ANKRD11: variants seen among roughly 807,000 people sequenced by gnomAD.
The protein encoded by ANKRD11 is ankyrin repeat domain-containing protein 11.
Under a neutral mutation model 195.7 loss-of-function variants are expected in ANKRD11, and 17 were observed. The observed-to-expected ratio is 0.09, with a 90% CI of 0.06 to 0.13. The LOEUF (loss-of-function observed/expected upper bound fraction) is 0.13, where lower values mean the gene tolerates loss of function less well. ANKRD11 is among the 10% of genes least tolerant of loss of function. The pLI is 1.00. For missense variants in ANKRD11, 3,735 were observed against 3,566.1 expected (o/e 1.05, Z -1.21); for synonymous variants, 1,953 against 1,528.1 (o/e 1.28, Z -6.49).
At chr16:89,438,328 T>G (rs1189849607) in intron 1 of ANKRD11, among the ~76,000 whole-genome samples, 4 of 151,454 alleles carry the variant, frequency 2.6e-5, no homozygotes, top group African/African-American at 9.7e-5. Flanking sequence ...GGGAACATTT[T>G]TTTTTTTTCA....
At chr16:89,277,098 C>G (rs191026347) in intron 9 of ANKRD11, among the ~76,000 whole-genome samples, 14 of 152,064 alleles carry the variant, frequency 9.2e-5, no homozygotes, top group Admixed American at 9.2e-4. Flanking sequence ...CAAAGTCCCT[C>G]TAGTCCACAG....
At position 89,283,140 on chromosome 16, in the gene ANKRD11, C is replaced by A. The variant is rs910677593; in HGVS notation, c.3402G>T (p.Gly1134=). 2 of 1,613,978 alleles carry A rather than the reference C, an allele frequency of 1.2e-6. No homozygotes were observed. Among genetic ancestry groups the A allele is most frequent in the Admixed American group, 3.3e-5 (2 of 60,024 alleles). The change falls in exon 9 of 13, where the codon GGG becomes GGT. Residue 1134 remains glycine, a synonymous_variant. Coordinates refer to ENST00000301030, the MANE Select transcript of ANKRD11 (RefSeq NM_013275.6). This position sits in a 1 kb window ranked among gnomAD's most constrained non-coding sequence, Gnocchi z 4.3. ...EDDRDSCMGS[G]FKMGEASDLP... ...AGTCGCTGGCCTCTCCCATCTTGAA[C>A]CCGCTCCCCATGCAGCTGTCTCTGT...
intron 2 of ANKRD11, among the ~76,000 whole-genome samples, chr16:89,416,481 T>C (rs1031679122): frequency 1.4e-4 from 22 of 152,144 alleles, no homozygotes; most frequent in African/African-American, 5.1e-4. Flanking sequence ...ACATTTTTAA[T>C]AGAGATGGGG....
chr16:89,466,687 G>T (rs995438475), intron 1 of ANKRD11, among the ~76,000 whole-genome samples: 50 of 152,168 alleles, frequency 3.3e-4, no homozygotes, highest in African/African-American at 1.2e-3. Flanking sequence ...AATTGAAACA[G>T]GTGTTAAAAT....
At chr16:89,340,143 T>A (rs1169408323) in intron 2 of ANKRD11, among the ~76,000 whole-genome samples, 1 of 152,266 alleles carries the variant, frequency 6.6e-6, no homozygotes, top group Non-Finnish European at 1.5e-5. Context: ...CTAAAGTTTA[T>A]AACTAGAAAT....
At chr16:89,424,333 C>A (rs1050204107) in intron 1 of ANKRD11, among the ~76,000 whole-genome samples, 1 of 151,696 alleles carries the variant, frequency 6.6e-6, no homozygotes, top group Admixed American at 6.6e-5. Context: ...CCCAGCTACT[C>A]GGGAGACTGA....
chr16:89,360,952 C>G (rs1400546139), intron 2 of ANKRD11, among the ~76,000 whole-genome samples: 1 of 152,166 alleles, frequency 6.6e-6, no homozygotes, highest in Non-Finnish European at 1.5e-5. Context: ...GGCCACTGCT[C>G]TGCATCAGGT....
intron 2 of ANKRD11, among the ~76,000 whole-genome samples, chr16:89,357,018 A>G (rs1368163059): frequency 6.6e-6 from 1 of 152,190 alleles, no homozygotes; most frequent in African/African-American, 2.4e-5. Context: ...CCCAATGCTA[A>G]TGGTTCAACA....
chr16:89,488,970 C>G (rs566545267), intron 1 of ANKRD11: 2 of 152,264 alleles, frequency 1.3e-5, no homozygotes, highest in Admixed American at 6.5e-5. Flanking sequence ...GCATAGGGAG[C>G]TGTTAGACCA....
chr16:89,278,014 G>A (rs537304337), intron 9 of ANKRD11: 45 of 163,238 alleles, frequency 2.8e-4, no homozygotes, highest in East Asian at 9.4e-4. Flanking sequence ...TCCCCAGAAG[G>A]AAATGGCCAT....
intron 3 of ANKRD11, among the ~76,000 whole-genome samples, chr16:89,307,329 G>C (rs2036344676): frequency 6.6e-6 from 1 of 152,164 alleles, no homozygotes; most frequent in Admixed American, 6.6e-5. Flanking sequence ...CAGTCACTCT[G>C]CATCCACCAA....
At chr16:89,328,608 C>T (rs1290622017) in intron 2 of ANKRD11, among the ~76,000 whole-genome samples, 1 of 148,984 alleles carries the variant, frequency 6.7e-6, no homozygotes, top group African/African-American at 2.5e-5. Flanking sequence ...TCTGCAGAGG[C>T]CCCTGCTGAG....
At chr16:89,295,154 G>A (rs895400090) in intron 4 of ANKRD11, among the ~76,000 whole-genome samples, 2 of 152,138 alleles carry the variant, frequency 1.3e-5, no homozygotes, top group Non-Finnish European at 2.9e-5. Flanking sequence ...GTGGGGGTGG[G>A]AGCCACTCCA....
intron 4 of ANKRD11, among the ~76,000 whole-genome samples, chr16:89,304,893 G>A (rs557358199): frequency 6.6e-6 from 1 of 152,340 alleles, no homozygotes; most frequent in South Asian, 2.1e-4. Context: ...CCCGTGTCCA[G>A]CTGTCAGAAG....
chr16:89,270,998 T>C, intron 11 of ANKRD11, 89 bp from the exon 12 acceptor site: 1 of 1,237,130 alleles, frequency 8.1e-7, no homozygotes, highest in Non-Finnish European at 1.2e-6. Context: ...GCAGTGACCG[T>C]TCTCAAGGGA....
At chr16:89,384,666 G>A (rs534027234) in intron 2 of ANKRD11, among the ~76,000 whole-genome samples, 22 of 152,130 alleles carry the variant, frequency 1.4e-4, no homozygotes, top group African/African-American at 5.3e-4. Flanking sequence ...AAGGAGCTGC[G>A]AAGACACAAA....
rs372182716 is a variant in ANKRD11 at position 89,285,283 on chromosome 16, A to C, written c.1259T>G (p.Val420Gly). 2.5e-6 allele frequency: 4 copies of C among 1,613,670 alleles called. No homozygotes were observed. The highest frequency in any genetic ancestry group is 3.4e-6 in the Non-Finnish European group (4 of 1,180,026). The change falls in exon 9 of 13, where the codon GTG becomes GGG. Residue 420 changes from valine to glycine, a missense_variant. Coordinates refer to ENST00000301030, the MANE Select transcript of ANKRD11 (RefSeq NM_013275.6). The surrounding 1 kb of genome is among the most constrained non-coding windows in gnomAD (Gnocchi z 5.6). ...GAGTCTCAGCTTCTCTCCTGTCCCC[A>C]CGGTGACACTCGCGTCCTCCTCGTC... ...TSDEEDASVTVGTGEKLRLSA... is the reference protein window; with the variant it reads ...TSDEEDASVTGGTGEKLRLSA...
Position 89,334,982 on chromosome 16 carries a change from A to G in ANKRD11, c.-59-17904T>C, listed in dbSNP as rs576256751. ...GAGTGGAGGGGAGGTCCAGGAGGAG[A>G]TCCCACAGGTACATGTGACATGAGC... On this transcript the variant is annotated intron_variant, in intron 2 of 12. Transcript: ENST00000301030. Among the ~76,000 whole-genome samples, 101 of 152,150 alleles carry G rather than the reference A, an allele frequency of 6.6e-4. 6 individuals carry two copies. The highest frequency in any genetic ancestry group is 6.3e-3 in the Admixed American group (96 of 15,298).
At chr16:89,445,750 A>G (rs2043757116) in intron 1 of ANKRD11, among the ~76,000 whole-genome samples, 1 of 152,104 alleles carries the variant, frequency 6.6e-6, no homozygotes, top group African/African-American at 2.4e-5. Flanking sequence ...TGAGGCAGGC[A>G]GATCACCTGA....
Sources: gnomAD v4.1 joint callset for allele counts (sites outside exome capture counted in the v4.1 genomes callset) on GRCh38, gnomAD v4.1.1 for gene constraint, Gnocchi (gnomAD v3.1) non-coding constraint, MANE v1.5 for transcripts, NCBI Gene and HGNC (gene_info 2026-07-23, HGNC 2026-07-21) for gene names.